AHNAK2: variants seen among roughly 807,000 people sequenced by gnomAD.
AHNAK2 encodes protein AHNAK2.
In AHNAK2, 18 loss-of-function variants were observed where a neutral mutation model predicts 30.7. That is an observed-to-expected ratio of 0.59 (90% CI 0.41 to 0.87). The LOEUF is 0.87. AHNAK2 is among the 40% of genes least tolerant of loss of function. The pLI, the probability that AHNAK2 is intolerant of heterozygous loss-of-function variation, is 0.00. For missense variants in AHNAK2, 8,604 were observed against 7,373.0 expected (o/e 1.17, Z -6.11); for synonymous variants, 3,590 against 3,073.8 (o/e 1.17, Z -5.56).
chr14:104,945,177 G>T lies in AHNAK2; in HGVS notation c.10274C>A (p.Ala3425Glu), dbSNP rs185343487. The T allele has an allele frequency of 3.7e-6, 6 of 1,612,848 alleles. No homozygotes were observed. The highest frequency in any genetic ancestry group is 5.1e-6 in the Non-Finnish European group (6 of 1,179,658). Residue 3425 changes from alanine to glutamate, a missense_variant, in exon 7 of 7, where the codon GCG becomes GAG. Transcript: ENST00000333244. ...GPKLDLKVPK[A>E]EVTVPDVEVS... is the part of the protein sequence containing the mutation. Reference sequence around the variant, plus strand: ...CTCCACATCAGGGACTGTCACTTCCGCCTTGGGGACTTTTAGGTCCAGCTT... The same window carrying T: ...CTCCACATCAGGGACTGTCACTTCCTCCTTGGGGACTTTTAGGTCCAGCTT...
chr14:104,960,445 A>G (rs1899104867), intron 1 of AHNAK2, among the ~76,000 whole-genome samples: 1 of 152,328 alleles, frequency 6.6e-6, no homozygotes. Flanking sequence ...TTTAAAGTAT[A>G]GGGGAGGGAA....
At position 104,952,921 on chromosome 14, in the gene AHNAK2, C is replaced by A. The variant is rs762732667; in HGVS notation, c.2530G>T (p.Gly844Trp). ...ATGGACTTGCCTGGGGCCGACACCC[C>A]GAATGATGGCATCTTGAACTTGGGC... ...KMPKFKMPSF[G>W]VSAPGKSMED... Residue 844 changes from glycine to tryptophan, a missense_variant, in exon 7 of 7, where the codon GGG becomes TGG. Physicochemically the swap from Gly to Trp is radical, Grantham distance 184. Transcript: ENST00000333244. 8.7e-6 allele frequency: 14 copies of A among 1,611,880 alleles called. No individual in the cohort carries two copies. The highest frequency in any genetic ancestry group is 1.4e-5 in the African/African-American group (1 of 74,066).
chr14:104,965,417 AAAAAGAAAAG>A (rs1555403428), intron 1 of AHNAK2, among the ~76,000 whole-genome samples: 6 of 150,370 alleles, frequency 4.0e-5, no homozygotes, highest in Non-Finnish European at 5.9e-5. Flanking sequence ...AAAAAAAAAA[AAAAAGAAAAG>A]AAAAGAAAAG....
In AHNAK2 at chr14:104,938,959, T is replaced by A. The variant is rs2140814503; in HGVS notation, c.16492A>T (p.Thr5498Ser). Residue 5498 changes from threonine to serine, a missense_variant, in exon 7 of 7, where the codon ACT (threonine) becomes TCT (serine). By Grantham distance (58) the Thr-to-Ser change is moderately conservative (BLOSUM62 1). Coordinates refer to ENST00000333244, the MANE Select transcript of AHNAK2 (RefSeq NM_138420.4). ...ATCTCTGATTCCCGCACAATCTGAG[T>A]GGAAAAAGTCCTGGGTACTGAGAGA... ...VDLSVPRTFS[T>S]QIVRESEIPT... 2 of 1,613,134 alleles carry A rather than the reference T, an allele frequency of 1.2e-6. No homozygotes were observed. Among genetic ancestry groups the A allele is most frequent in the East Asian group, 2.2e-5 (1 of 44,860 alleles).
Position 104,957,663 on chromosome 14 carries a change from C to T in AHNAK2, c.65G>A (p.Arg22His), listed in dbSNP as rs530202564. ...WPGTPGSVSGRQLQPGEPGAE... is the reference protein window; with the variant it reads ...WPGTPGSVSGHQLQPGEPGAE... ...ACCTGGCTCCCCGGGCTGCAGCTGA[C>T]GGCCGGACACTGCAGAGAGAGTGGC... The change falls in exon 2 of 7, where the codon CGT becomes CAT. Residue 22 changes from arginine (R) to histidine (H), a missense_variant. By Grantham distance (29) the Arg-to-His change is conservative (BLOSUM62 0). Transcript: ENST00000333244. 18 of 1,610,636 alleles carry T rather than the reference C, an allele frequency of 1.1e-5. No homozygotes were observed. The highest frequency in any genetic ancestry group is 4.0e-5 in the African/African-American group (3 of 75,014).
chr14:104,963,983 A>G (rs985254604), intron 1 of AHNAK2, among the ~76,000 whole-genome samples: 2 of 152,212 alleles, frequency 1.3e-5, no homozygotes, highest in African/African-American at 4.8e-5. Flanking sequence ...TAGAACTACC[A>G]TTTGATCCAG....
chr14:104,947,216 G>A lies in AHNAK2; in HGVS notation c.8235C>T (p.Asp2745=), dbSNP rs376866205. The A allele has an allele frequency of 3.3e-4, 534 of 1,611,610 alleles. 18 individuals carry two copies. The African/African-American group carries it at 5.9e-3, about 18-fold the overall frequency. Residue 2745 remains aspartate (D), a synonymous_variant, in exon 7 of 7, where the codon GAC becomes GAT. Coordinates refer to ENST00000333244, the MANE Select transcript of AHNAK2 (RefSeq NM_138420.4). ...TAACATCTATCTGGGGGCCCTTGAG[G>A]TCCACTTCAGGCATCTTGAAACTGG... ...QMPSFKMPEV[D]LKGPQIDVKG... is the part of the protein sequence containing the mutation.
chr14:104,938,419 G>C lies in AHNAK2; in HGVS notation c.17032C>G (p.Gln5678Glu), dbSNP rs1416241282. 5.6e-6 allele frequency: 9 copies of C among 1,613,962 alleles called. No individual in the cohort carries two copies. Among genetic ancestry groups the C allele is most frequent in the Non-Finnish European group, 7.6e-6 (9 of 1,179,882 alleles). ...DVQRSAPIQT[Q>E]PEARPEAELP... ...TCTGCCTCTGGTCGTGCCTCAGGCT[G>C]TGTTTGAATGGGAGCAGATCTCTGG... The change falls in exon 7 of 7, where the codon CAG becomes GAG. Residue 5678 changes from glutamine to glutamate, a missense_variant. Gln to Glu is a conservative substitution (Grantham distance 29, BLOSUM62 2). Transcript: ENST00000333244.
Position 104,942,934 on chromosome 14 carries a change from G to T in AHNAK2, c.12517C>A (p.Gln4173Lys). The T allele has an allele frequency of 2.5e-6, 4 of 1,613,406 alleles. No individual in the cohort carries two copies. The highest frequency in any genetic ancestry group is 3.4e-6 in the Non-Finnish European group (4 of 1,179,650). ...AGGTCAGTGGTCTTGAGGTCCCCCTGCATGGAGGGGAGGCTCACGTCGGCT... is the reference window on the plus strand; with the variant it reads ...AGGTCAGTGGTCTTGAGGTCCCCCTTCATGGAGGGGAGGCTCACGTCGGCT... ...AKADVSLPSM[Q>K]GDLKTTDLSI... The change falls in exon 7 of 7, where the codon CAG becomes AAG. Residue 4173 changes from glutamine (Q) to lysine (K), a missense_variant. Gln to Lys is a moderately conservative substitution (Grantham distance 53). Coordinates refer to ENST00000333244, the MANE Select transcript of AHNAK2 (RefSeq NM_138420.4).
chr14:104,952,486 T>C lies in AHNAK2; in HGVS notation c.2965A>G (p.Lys989Glu). 1 of 1,612,620 alleles carries C rather than the reference T, an allele frequency of 6.2e-7. No homozygotes were observed. The highest frequency in any genetic ancestry group is 8.5e-7 in the Non-Finnish European group (1 of 1,179,604). Residue 989 changes from lysine to glutamate, a missense_variant, in exon 7 of 7, where the codon AAG becomes GAG. Lys to Glu is a moderately conservative substitution (Grantham distance 56). Transcript: ENST00000333244. ...WLEGDLSLAD[K>E]DVTAKDSKFK... is the part of the protein sequence containing the mutation. ...TTGCTGTCTTTGGCAGTCACGTCCT[T>C]GTCGGCCAGGGACAGGTCCCCCTCC...
intron 1 of AHNAK2, among the ~76,000 whole-genome samples, chr14:104,975,893 G>A (rs1203904719): frequency 1.3e-5 from 2 of 152,214 alleles, no homozygotes; most frequent in Non-Finnish European, 2.9e-5. Context: ...CACCAGCGAG[G>A]CACAGAACAG....
Position 104,947,116 on chromosome 14 carries a change from T to A in AHNAK2, c.8335A>T (p.Met2779Leu), listed in dbSNP as rs756742070. Residue 2779 changes from methionine (M) to leucine (L), a missense_variant, in exon 7 of 7, where the codon ATG (methionine) becomes TTG (leucine). Met to Leu is a conservative substitution (Grantham distance 15). Coordinates refer to ENST00000333244, the MANE Select transcript of AHNAK2 (RefSeq NM_138420.4). ...APDVKMSLSS[M>L]EVDVQAPRAK... ...CTCGGGGCCTGGACGTCCACCTCCA[T>A]GCTGGACAGAGACATCTTCACATCG... The A allele has an allele frequency of 1.2e-6, 2 of 1,611,080 alleles. No individual in the cohort carries two copies. Among genetic ancestry groups the A allele is most frequent in the Non-Finnish European group, 8.5e-7 (1 of 1,179,218 alleles).
Position 104,941,456 on chromosome 14 carries a change from A to C in AHNAK2, c.13995T>G (p.Phe4665Leu), listed in dbSNP as rs780943402. 12 of 1,612,506 alleles carry C rather than the reference A, an allele frequency of 7.4e-6. No individual in the cohort carries two copies. In the South Asian group the frequency reaches 1.3e-4, roughly 18 times the overall value. The change falls in exon 7 of 7, where the codon TTT (phenylalanine) becomes TTG (leucine). Residue 4665 changes from phenylalanine to leucine, a missense_variant. Physicochemically the swap from Phe to Leu is conservative, Grantham distance 22. Transcript: ENST00000333244. ...CATGAACAACAGATTCCACAATGGG[A>C]AATGTGGAAGTCTTCTCATGGAATG... ...NVTFHEKTST[F>L]PIVESVVHEG...
chr14:104,973,535 G>C (rs566576881), intron 1 of AHNAK2, among the ~76,000 whole-genome samples: 1 of 152,126 alleles, frequency 6.6e-6, no homozygotes, highest in Non-Finnish European at 1.5e-5. Context: ...GCCCACCCAG[G>C]CGCCATCACC....
Position 104,954,495 on chromosome 14 carries a change from C to T in AHNAK2, c.956G>A (p.Arg319Lys), listed in dbSNP as rs750410805. ...TCTGAGGTTGAGGAACTTCCGCCTC[C>T]TCTGGCTGCCCGGCCCTGCCTTCTG... ...QEQKAGPGSQ[R>K]RRKFLNLRFR... Residue 319 changes from arginine to lysine, a missense_variant, in exon 7 of 7, where the codon AGG becomes AAG. By Grantham distance (26) the Arg-to-Lys change is conservative. Transcript: ENST00000333244. The surrounding 1 kb of genome is among the most constrained non-coding windows in gnomAD (Gnocchi z 4.3). 9.3e-6 allele frequency: 15 copies of T among 1,612,512 alleles called. No individual in the cohort carries two copies. Among genetic ancestry groups the T allele is most frequent in the Middle Eastern group, 1.6e-4 (1 of 6,082 alleles).
At chr14:104,963,949 G>A (rs1361060073) in intron 1 of AHNAK2, among the ~76,000 whole-genome samples, 1 of 151,874 alleles carries the variant, frequency 6.6e-6, no homozygotes. Flanking sequence ...AAACACTATG[G>A]ATGGTTCCTC....
chr14:104,941,243 T>C lies in AHNAK2; in HGVS notation c.14208A>G (p.Leu4736=), dbSNP rs1274066875. The C allele has an allele frequency of 2.5e-6, 4 of 1,613,490 alleles. No homozygotes were observed. In the Admixed American group the frequency reaches 6.7e-5, roughly 27 times the overall value. Residue 4736 remains leucine, a synonymous_variant, in exon 7 of 7, where the codon TTA becomes TTG. Transcript: ENST00000333244. ...CAAAACTTGAGCATTCTGAAGATGA[T>C]AAAGGAATCGTGGAAAGACCTATGC... ...KSSIGLSTIP[L]SSSECSSFEL...
intron 1 of AHNAK2, chr14:104,970,554 C>A: frequency 1.0e-6 from 1 of 978,338 alleles, no homozygotes; most frequent in South Asian, 4.7e-5. Flanking sequence ...ACAGCTCCTC[C>A]CCCCATTGTC....
intron 1 of AHNAK2, among the ~76,000 whole-genome samples, chr14:104,959,361 C>T (rs763328853): frequency 1.3e-4 from 20 of 152,114 alleles, no homozygotes; most frequent in Non-Finnish European, 2.2e-4. Context: ...TTAGGAGAGA[C>T]GGGTTTCACC....
Sources: gnomAD v4.1 joint callset for allele counts (sites outside exome capture counted in the v4.1 genomes callset) on GRCh38, gnomAD v4.1.1 for gene constraint, Gnocchi (gnomAD v3.1) non-coding constraint, MANE v1.5 for transcripts, NCBI Gene and HGNC (gene_info 2026-07-23, HGNC 2026-07-21) for gene names.